Variants in KISS1 observed in about 807,000 individuals in gnomAD.
KISS1 encodes metastasis-suppressor KiSS-1.
For synonymous variants in KISS1, 97 were observed against 88.7 expected, an observed-to-expected ratio of 1.09 and a Z score of -0.52; for missense variants, 182 against 182.7, an observed-to-expected ratio of 1.00 and a Z score of 0.02.
Position 204,192,778 on chromosome 1 carries a change from G to A in KISS1, c.99C>T (p.Pro33=), listed in dbSNP as rs1264572268. 1.3e-6 allele frequency: 2 copies of A among 1,585,822 alleles called. No individual in the cohort carries two copies. The highest frequency in any genetic ancestry group is 8.6e-7 in the Non-Finnish European group (1 of 1,161,216). ...EKVASVGNSR[P]TGQQLESLGL... ...CTTTCCCCAGAGGATACATACCTGT[G>A]GGTCTAGAATTCCCCACAGAGGCCA... The change falls in exon 2 of 3, where the codon CCC becomes CCT. Residue 33 remains proline (P), a synonymous_variant. Transcript: ENST00000367194. The surrounding 1 kb of genome is among the most constrained non-coding windows in gnomAD (Gnocchi z 4.2).
At chr1:204,190,958 T>C (rs1397350370) in intron 2 of KISS1, among the ~76,000 whole-genome samples, 161 bp from the exon 3 acceptor site, 2 of 152,288 alleles carry the variant, frequency 1.3e-5, no homozygotes, top group East Asian at 3.9e-4. Context: ...CTGGGATGAT[T>C]AGGCCCTAGG....
chr1:204,190,800 A>G lies in KISS1; in HGVS notation c.104-3T>C, dbSNP rs569816712. On this transcript the variant is annotated splice_polypyrimidine_tract_variant and splice_region_variant and intron_variant, in intron 2 of 2. Coordinates refer to ENST00000367194, the MANE Select transcript of KISS1 (RefSeq NM_002256.4). ...GCCCAGGGATTCTAGCTGCTGGCCT[A>G]GGACAGAGGGCACAGAAAGATGAGG... 2 of 1,609,808 alleles carry G rather than the reference A, an allele frequency of 1.2e-6. No individual in the cohort carries two copies. The highest frequency in any genetic ancestry group is 1.7e-6 in the Non-Finnish European group (2 of 1,178,696).
intron 1 of KISS1, among the ~76,000 whole-genome samples, chr1:204,195,399 CCACACACG>C (rs1400202281): frequency 1.4e-5 from 2 of 140,926 alleles, no homozygotes; most frequent in African/African-American, 2.6e-5. Flanking sequence ...TGCACACACA[CCACACACG>C]CACACACACC....
Position 204,192,416 on chromosome 1 carries a change from C to A in KISS1, c.103+358G>T, listed in dbSNP as rs1242011177. On this transcript the variant is annotated intron_variant, in intron 2 of 2. Transcript: ENST00000367194. The surrounding 1 kb of genome is among the most constrained non-coding windows in gnomAD (Gnocchi z 4.2). ...GGTTTTTTTTTTTTTCCAAATTCTC[C>A]ACAAAGAATCTGAGGTCACCGATAA... Among the ~76,000 whole-genome samples, 2 of 151,002 alleles carry A rather than the reference C, an allele frequency of 1.3e-5. No individual in the cohort carries two copies. The highest frequency in any genetic ancestry group is 4.9e-5 in the African/African-American group (2 of 40,876).
In KISS1 at chr1:204,190,341, T is replaced by G; in HGVS notation, c.*143A>C. On this transcript the variant is annotated 3_prime_UTR_variant, in exon 3 of 3. Coordinates refer to ENST00000367194, the MANE Select transcript of KISS1 (RefSeq NM_002256.4). ...AAATGAGCCGCAGACCACACGTCAG[T>G]GAGTTACGCAACATTTCTTTTATTG... 1 of 875,092 alleles carries G rather than the reference T, an allele frequency of 1.1e-6. No homozygotes were observed. Among genetic ancestry groups the G allele is most frequent in the African/African-American group, 1.7e-5 (1 of 60,150 alleles). The allele number at this position is 875,092 out of a possible 1,614,324, so 54.2% of individuals were successfully genotyped here. A position where few individuals can be genotyped will look rare whatever the true frequency, so the allele number is the denominator to read the frequency against.
In KISS1 at chr1:204,190,648, C is replaced by G; in HGVS notation, c.253G>C (p.Gly85Arg). ...PESSGSPQQPGLSAPHSRQIP... is the reference protein window; with the variant it reads ...PESSGSPQQPRLSAPHSRQIP... ...TGGCGGCTGTGGGGGGCGGACAGGC[C>G]CGGCTGCTGGGGGCTCCCGGAGCTC... Residue 85 changes from glycine (G) to arginine (R), a missense_variant, in exon 3 of 3, where the codon GGC (glycine) becomes CGC (arginine). Gly to Arg is a moderately radical substitution (Grantham distance 125). Transcript: ENST00000367194. The G allele has an allele frequency of 6.3e-7, 1 of 1,584,368 alleles. No homozygotes were observed. The highest frequency in any genetic ancestry group is 8.6e-7 in the Non-Finnish European group (1 of 1,165,854).
intron 2 of KISS1, among the ~76,000 whole-genome samples, chr1:204,191,011 A>G (rs1658734709): frequency 6.6e-6 from 1 of 152,216 alleles, no homozygotes; most frequent in Non-Finnish European, 1.5e-5. Context: ...AATGTTTGCC[A>G]GAATTATCTT....
Position 204,190,731 on chromosome 1 carries a change from T to A in KISS1, c.170A>T (p.Lys57Met). 1 of 1,610,012 alleles carries A rather than the reference T, an allele frequency of 6.2e-7. No individual in the cohort carries two copies. Among genetic ancestry groups the A allele is most frequent in the South Asian group, 1.1e-5 (1 of 90,278 alleles). ...GEQSLPCTER[K>M]PAATARLSRR... The stretch of plus-strand genomic sequence containing the variant: ...GCTCAGCCTGGCAGTAGCAGCTGGC[T>A]TCCTCTCGGTGCACGGCAGGCTCTG... Residue 57 changes from lysine to methionine, a missense_variant, in exon 3 of 3, where the codon AAG (lysine) becomes ATG (methionine). Coordinates refer to ENST00000367194, the MANE Select transcript of KISS1 (RefSeq NM_002256.4).
At position 204,192,971 on chromosome 1, in the gene KISS1, T is replaced by C. The variant is rs1658773435; in HGVS notation, c.-38-57A>G. ...CAGGCACAGGATCTGGGCTGGGTGC[T>C]GAGGGCAGAGCCCAGTGCAAAAGGG... On this transcript the variant is annotated intron_variant, in intron 1 of 2. Coordinates refer to ENST00000367194, the MANE Select transcript of KISS1 (RefSeq NM_002256.4). This position sits in a 1 kb window ranked among gnomAD's most constrained non-coding sequence, Gnocchi z 4.2. 1.1e-6 allele frequency: 1 copy of C among 877,960 alleles called. No individual in the cohort carries two copies. Among genetic ancestry groups the C allele is most frequent in the Non-Finnish European group, 1.9e-6 (1 of 540,022 alleles). 54.4% of individuals were successfully genotyped at this position (877,960 alleles called of 1,614,324 possible).
chr1:204,195,295 TACACC>T (rs1658829641), intron 1 of KISS1, among the ~76,000 whole-genome samples: 1 of 4,974 alleles, frequency 2.0e-4, no homozygotes. Context: ...ACCACACACA[TACACC>T]CATACACACA....
At position 204,190,409 on chromosome 1, in the gene KISS1, T is replaced by TCCCCCCCACC; in HGVS notation, c.*74_*75insGGTGGGGGGG. On this transcript the variant is annotated 3_prime_UTR_variant, in exon 3 of 3. Transcript: ENST00000367194. The stretch of plus-strand genomic sequence containing the variant: ...CAGCGCCCCCTCCCTTAGCCCTACG[T>TCCCCCCCACC]CCCCGCCCCCCGCCCCCGCCCCGCA... The TCCCCCCCACC allele has an allele frequency of 2.1e-5, 12 of 570,136 alleles. No homozygotes were observed. Among genetic ancestry groups the TCCCCCCCACC allele is most frequent in the South Asian group, 8.0e-5 (5 of 62,526 alleles). 35.3% of individuals were successfully genotyped at this position (570,136 alleles called of 1,614,324 possible). A position where few individuals can be genotyped will look rare whatever the true frequency, so the allele number is the denominator to read the frequency against.
In KISS1 at chr1:204,190,414, G is replaced by A. The variant is rs1132506; in HGVS notation, c.*70C>T. ...CCCCCTCCCTTAGCCCTACGTCCCCGCCCCCCGCCCCCGCCCCGCATGCTC... is the reference window on the plus strand; with the variant it reads ...CCCCCTCCCTTAGCCCTACGTCCCCACCCCCCGCCCCCGCCCCGCATGCTC... On this transcript the variant is annotated 3_prime_UTR_variant, in exon 3 of 3. Coordinates refer to ENST00000367194, the MANE Select transcript of KISS1 (RefSeq NM_002256.4). 2.5e-4 allele frequency: 135 copies of A among 536,234 alleles called. 5 individuals carry two copies. The highest frequency in any genetic ancestry group is 2.0e-3 in the African/African-American group (75 of 37,976). The allele number at this position is 536,234 out of a possible 1,614,324, so 33.2% of individuals were successfully genotyped here. A position where few individuals can be genotyped will look rare whatever the true frequency, so the allele number is the denominator to read the frequency against.
intron 2 of KISS1, among the ~76,000 whole-genome samples, chr1:204,191,848 G>C (rs955702506): frequency 6.6e-6 from 1 of 152,198 alleles, no homozygotes; most frequent in African/African-American, 2.4e-5. Flanking sequence ...TCAGGCTGCT[G>C]TTGGTGACCT....
Position 204,190,744 on chromosome 1 carries a change from A to G in KISS1, c.157T>C (p.Cys53Arg), listed in dbSNP as rs566974252. ...GTAGCAGCTGGCTTCCTCTCGGTGC[A>G]CGGCAGGCTCTGCTCCCCGGGGGCC... The part of the protein sequence containing the change: ...LLAPGEQSLP[C>R]TERKPAATAR... Residue 53 changes from cysteine (C) to arginine (R), a missense_variant, in exon 3 of 3, where the codon TGC becomes CGC. Cys to Arg is a radical substitution (Grantham distance 180, BLOSUM62 -3). Transcript: ENST00000367194. 101 of 1,610,742 alleles carry G rather than the reference A, an allele frequency of 6.3e-5. No homozygotes were observed. In the South Asian group the frequency reaches 1.0e-3, roughly 16 times the overall value.
chr1:204,195,551 A>C (rs1351850751), intron 1 of KISS1, among the ~76,000 whole-genome samples: 2 of 149,094 alleles, frequency 1.3e-5, no homozygotes, highest in Admixed American at 1.3e-4. Flanking sequence ...ATATATACCC[A>C]TACACCCGTA....
intron 1 of KISS1, among the ~76,000 whole-genome samples, chr1:204,195,265 C>CCCAT (rs1658826711): frequency 1.2e-4 from 4 of 32,274 alleles, no homozygotes; most frequent in East Asian, 9.6e-4. Flanking sequence ...ACATCATACA[C>CCCAT]ACACACATAC....
chr1:204,194,300 G>A (rs182808077), intron 1 of KISS1, among the ~76,000 whole-genome samples: 1 of 152,358 alleles, frequency 6.6e-6, no homozygotes, highest in East Asian at 1.9e-4. Flanking sequence ...CTGCTCAGAA[G>A]TTTACTTATC....
chr1:204,195,192 A>ACACACCACACATG (rs1658816840), intron 1 of KISS1, among the ~76,000 whole-genome samples: 2 of 144,470 alleles, frequency 1.4e-5, no homozygotes, highest in African/African-American at 2.8e-5. Flanking sequence ...ACATGCACAC[A>ACACACCACACATG]CACACCACAC....
intron 1 of KISS1, among the ~76,000 whole-genome samples, chr1:204,194,092 C>G (rs528522617): frequency 2.0e-5 from 3 of 152,262 alleles, no homozygotes; most frequent in African/African-American, 7.2e-5. Flanking sequence ...ACCCCCACCC[C>G]CCATTCCTCA....
Sources: gnomAD v4.1 joint callset for allele counts (sites outside exome capture counted in the v4.1 genomes callset) on GRCh38, gnomAD v4.1.1 for gene constraint, Gnocchi (gnomAD v3.1) non-coding constraint, MANE v1.5 for transcripts, NCBI Gene and HGNC (gene_info 2026-07-23, HGNC 2026-07-21) for gene names.